EDARADD: variants seen among roughly 807,000 people sequenced by gnomAD.
EDARADD encodes the protein EDAR associated via death domain, also known as ectodysplasin-A receptor-associated adapter protein.
A neutral mutation model predicts 25.6 loss-of-function variants in EDARADD; 20 were observed. The observed-to-expected ratio is 0.78, with a 90% CI of 0.55 to 1.14. The LOEUF (loss-of-function observed/expected upper bound fraction) is 1.14. Ranked by LOEUF, EDARADD falls within the 50% of genes most tolerant of loss-of-function variation. The pLI, the probability that EDARADD is intolerant of heterozygous loss-of-function variation, is 0.00. For synonymous variants in EDARADD, 86 were observed against 94.4 expected (o/e 0.91, Z 0.52); for missense variants, 225 against 270.1 (o/e 0.83, Z 1.17).
At chr1:236,392,815 G>T (rs1186047453), upstream of EDARADD, among the ~76,000 whole-genome samples, 1 of 152,070 alleles carries the variant, frequency 6.6e-6, no homozygotes, top group African/African-American at 2.4e-5. Flanking sequence ...GATTACAGGT[G>T]CCTGTCACCA....
At chr1:236,371,301 A>T (rs151086502) in intron 3 of EDARADD, among the ~76,000 whole-genome samples, 138 of 152,252 alleles carry the variant, frequency 9.1e-4, no homozygotes, top group African/African-American at 3.2e-3. Flanking sequence ...GTAATTGTTT[A>T]TTCGTTTCAG....
At chr1:236,448,658 G>GTT (rs1658629737) in intron 4 of EDARADD, among the ~76,000 whole-genome samples, 2 of 152,160 alleles carry the variant, frequency 1.3e-5, no homozygotes, top group Admixed American at 6.6e-5. Context: ...ACTAACTATA[G>GTT]GTGCTCCGGT....
intron 4 of EDARADD, among the ~76,000 whole-genome samples, chr1:236,435,476 G>A (rs1475366333): frequency 6.6e-6 from 1 of 152,156 alleles, no homozygotes; most frequent in Non-Finnish European, 1.5e-5. Context: ...AATAAAGAAA[G>A]GGAAAAGCCA....
intron 3 of EDARADD, among the ~76,000 whole-genome samples, chr1:236,359,501 C>G (rs1041742040): frequency 1.3e-5 from 2 of 152,186 alleles, no homozygotes; most frequent in African/African-American, 4.8e-5. Context: ...GCACTTTGAT[C>G]TTGAACTTCC....
intron 3 of EDARADD, among the ~76,000 whole-genome samples, chr1:236,425,191 C>T (rs594058): frequency 0.43 from 66,155 of 152,116 alleles, 17,147 homozygotes; most frequent in Non-Finnish European, 0.59. Flanking sequence ...GAAGCAGCAG[C>T]GCTAAGCACA....
In EDARADD at chr1:236,394,483, T is replaced by G. The variant is rs1558108510; in HGVS notation, c.39T>G (p.Thr13=). Residue 13 remains threonine, a synonymous_variant, in exon 1 of 6, where the codon ACT becomes ACG. Coordinates refer to ENST00000334232, the MANE Select transcript of EDARADD (RefSeq NM_145861.4). ...CGACTAAACAGATGGGGAGAGGCAC[T>G]AAAGCTCCTGGTCACCAAGAGGGTA... ...LRTTKQMGRG[T]KAPGHQEDHM... 6.2e-7 allele frequency: 1 copy of G among 1,614,134 alleles called. No individual in the cohort carries two copies. The highest frequency in any genetic ancestry group is 8.5e-7 in the Non-Finnish European group (1 of 1,180,000).
chr1:236,378,106 AC>A (rs1285538512), intron 3 of EDARADD, among the ~76,000 whole-genome samples: 2 of 151,328 alleles, frequency 1.3e-5, no homozygotes, highest in East Asian at 1.9e-4. Context: ...AGTCCCACCC[AC>A]CCCCCTTTAG....
chr1:236,409,089 GAGT>G, intron 1 of EDARADD, 124 bp from the exon 2 acceptor site: 2 of 438,418 alleles, frequency 4.6e-6, no homozygotes, highest in East Asian at 3.7e-5. Context: ...AAAAAAAAAG[GAGT>G]AAGGTTTTCT....
At chr1:236,458,845 G>A (rs562430253) in intron 4 of EDARADD, among the ~76,000 whole-genome samples, 167 of 151,978 alleles carry the variant, frequency 1.1e-3, no homozygotes, top group Non-Finnish European at 2.0e-3. Flanking sequence ...GTTTCACCGT[G>A]TTGGTTAGGC....
chr1:236,414,391 TGTAA>T, intron 3 of EDARADD, 92 bp downstream of exon 3: 3 of 1,047,710 alleles, frequency 2.9e-6, no homozygotes, highest in Non-Finnish European at 4.4e-6. Flanking sequence ...TATTTAAAAT[TGTAA>T]AGTAGAAACA....
rs759399160 is a variant in EDARADD at position 236,482,752 on chromosome 1, G to A, written c.*103G>A. 1 of 1,551,484 alleles carries A rather than the reference G, an allele frequency of 6.4e-7. No homozygotes were observed. Among genetic ancestry groups the A allele is most frequent in the Non-Finnish European group, 8.8e-7 (1 of 1,141,632 alleles). On this transcript the variant is annotated 3_prime_UTR_variant, in exon 6 of 6. Coordinates refer to ENST00000334232, the MANE Select transcript of EDARADD (RefSeq NM_145861.4). ...TTATAAGAGTTTAGGACAAGGACGT[G>A]GAACAGTGGACACTGGTTTTCCCCA... is the stretch of plus-strand genomic sequence containing the variant.
chr1:236,388,179 A>C (rs953865338), intron 3 of EDARADD, among the ~76,000 whole-genome samples: 2 of 151,998 alleles, frequency 1.3e-5, no homozygotes, highest in African/African-American at 4.8e-5. Flanking sequence ...CTGTCTTTTG[A>C]CCATTTAAAT....
chr1:236,444,805 A>G (rs1467817475), intron 4 of EDARADD, among the ~76,000 whole-genome samples: 1 of 152,190 alleles, frequency 6.6e-6, no homozygotes, highest in Admixed American at 6.5e-5. Context: ...GAATTTTTGC[A>G]CCTGCCCCCA....
At chr1:236,430,549 A>G (rs538462424) in intron 4 of EDARADD, among the ~76,000 whole-genome samples, 26 of 152,240 alleles carry the variant, frequency 1.7e-4, no homozygotes, top group Non-Finnish European at 3.1e-4. Flanking sequence ...AAATATATTT[A>G]TCAACTAAAA....
At chr1:236,457,878 A>G (rs377695332) in intron 4 of EDARADD, among the ~76,000 whole-genome samples, 4 of 151,870 alleles carry the variant, frequency 2.6e-5, no homozygotes, top group African/African-American at 9.7e-5. Flanking sequence ...GCTTTTTAGC[A>G]CTTAGTAGTT....
chr1:236,440,213 C>G (rs886465138), intron 4 of EDARADD, among the ~76,000 whole-genome samples: 1 of 152,140 alleles, frequency 6.6e-6, no homozygotes, highest in Non-Finnish European at 1.5e-5. Context: ...TTTCATTCAT[C>G]TATTTTGCTT....
chr1:236,445,570 A>T (rs1236371760), intron 4 of EDARADD, among the ~76,000 whole-genome samples: 1 of 152,140 alleles, frequency 6.6e-6, no homozygotes, highest in Non-Finnish European at 1.5e-5. Context: ...TCTAAGGATG[A>T]GCTAGGCAGG....
intron 3 of EDARADD, among the ~76,000 whole-genome samples, chr1:236,383,120 C>T (rs1207774061): frequency 3.3e-5 from 5 of 152,162 alleles, no homozygotes; most frequent in South Asian, 4.2e-4. Context: ...GAAGGCCGGG[C>T]GCAGTGGCTC....
In EDARADD at chr1:236,471,317, CT is replaced by C. The variant is rs568286583; in HGVS notation, c.265+3043del. ...AGTTTCTTAGTAGATAAAAATAATT[CT>C]TCGTCACTTTCTGAAAGCGGCTAAC... On this transcript the variant is annotated intron_variant, in intron 5 of 5. Coordinates refer to ENST00000334232, the MANE Select transcript of EDARADD (RefSeq NM_145861.4). 1.5e-4 allele frequency among the ~76,000 whole-genome samples: 23 copies of C among 152,246 alleles called. No individual in the cohort carries two copies. The South Asian group carries it at 4.8e-3, about 32-fold the overall frequency.
Sources: gnomAD v4.1 joint callset for allele counts (sites outside exome capture counted in the v4.1 genomes callset) on GRCh38, gnomAD v4.1.1 for gene constraint, MANE v1.5 for transcripts, NCBI Gene and HGNC (gene_info 2026-07-23, HGNC 2026-07-21) for gene names.